Variants in ZSWIM5 observed in about 807,000 individuals in gnomAD.
The protein encoded by ZSWIM5 is zinc finger SWIM domain-containing protein 5.
In ZSWIM5, 55 loss-of-function variants were observed where a neutral mutation model predicts 119.6. That is an observed-to-expected ratio of 0.46 (90% CI 0.37 to 0.58). The LOEUF is 0.58. Among genes scored for constraint, ZSWIM5 ranks in the 20% least tolerant of loss-of-function variants. The pLI, the probability that ZSWIM5 is intolerant of heterozygous loss-of-function variation, is 0.00. For missense variants in ZSWIM5, 1,193 were observed against 1,512.8 expected, an observed-to-expected ratio of 0.79 and a Z score of 3.51; for synonymous variants, 537 against 606.9, an observed-to-expected ratio of 0.88 and a Z score of 1.69.
Position 45,018,629 on chromosome 1 carries a change from G to A in ZSWIM5, c.3383C>T (p.Thr1128Ile). ...TCCATAGTGGCGAGGGCTGATGTGT[G>A]TTAGGCGTGAGTGTGTAGTGTTGAT... ...AYINTTHSRL[T>I]HISPRHYGEF... The change falls in exon 14 of 14, where the codon ACA (threonine) becomes ATA (isoleucine). Residue 1128 changes from threonine to isoleucine, a missense_variant. Thr to Ile is a moderately conservative substitution (Grantham distance 89). Around this residue, in one of 2 missense-constraint regions of ZSWIM5, gnomAD observed 961 missense variants for 1,290.0 expected, o/e 0.74. Transcript: ENST00000359600. This position sits in a 1 kb window ranked among gnomAD's most constrained non-coding sequence, Gnocchi z 6.7. The A allele has an allele frequency of 6.2e-7, 1 of 1,614,256 alleles. No homozygotes were observed. Among genetic ancestry groups the A allele is most frequent in the Non-Finnish European group, 8.5e-7 (1 of 1,180,056 alleles).
intron 1 of ZSWIM5, among the ~76,000 whole-genome samples, chr1:45,184,805 A>C (rs1237901): frequency 6.6e-6 from 1 of 151,888 alleles, no homozygotes; most frequent in African/African-American, 2.4e-5. Flanking sequence ...AATCAATATC[A>C]TGAAAATGGC....
At chr1:45,142,852 A>T (rs904174325) in intron 1 of ZSWIM5, among the ~76,000 whole-genome samples, 6 of 140,662 alleles carry the variant, frequency 4.3e-5, no homozygotes, top group East Asian at 1.9e-4. Flanking sequence ...AACAGTATTT[A>T]AAAAAAAAAG....
Position 45,183,614 on chromosome 1 carries a change from C to T in ZSWIM5, c.595+22142G>A, listed in dbSNP as rs953465431. Among the ~76,000 whole-genome samples, 49 of 152,286 alleles carry T rather than the reference C, an allele frequency of 3.2e-4. 1 individual carries two copies. Among genetic ancestry groups the T allele is most frequent in the African/African-American group, 1.1e-3 (45 of 41,558 alleles). ...TACAACCTACCATCAGAGAATACTA[C>T]AAACACCTCTATGCAAATAAACTAG... On this transcript the variant is annotated intron_variant, in intron 1 of 13. Coordinates refer to ENST00000359600, the MANE Select transcript of ZSWIM5 (RefSeq NM_020883.2).
At chr1:45,126,467 A>ACTAC (rs1645622749) in intron 1 of ZSWIM5, among the ~76,000 whole-genome samples, 1 of 152,204 alleles carries the variant, frequency 6.6e-6, no homozygotes, top group African/African-American at 2.4e-5. Flanking sequence ...GAAAGCACAA[A>ACTAC]CTACCAAAAC....
intron 1 of ZSWIM5, among the ~76,000 whole-genome samples, chr1:45,166,217 C>T (rs1196674091): frequency 6.6e-6 from 1 of 152,018 alleles, no homozygotes; most frequent in Non-Finnish European, 1.5e-5. Flanking sequence ...AGATAAAAAC[C>T]ACATGATTAT....
intron 1 of ZSWIM5, among the ~76,000 whole-genome samples, chr1:45,201,357 A>AAT (rs1233266257): frequency 6.6e-6 from 1 of 152,182 alleles, no homozygotes; most frequent in African/African-American, 2.4e-5. Flanking sequence ...TTTTTACAGT[A>AAT]ATATATATGT....
chr1:45,039,446 C>T (rs1370125152), intron 7 of ZSWIM5, among the ~76,000 whole-genome samples: 3 of 152,134 alleles, frequency 2.0e-5, no homozygotes, highest in East Asian at 3.9e-4. Context: ...AGTGCAGTGG[C>T]GTGATCTTGG....
intron 2 of ZSWIM5, among the ~76,000 whole-genome samples, chr1:45,065,908 A>G (rs1645180249): frequency 6.6e-6 from 1 of 151,786 alleles, no homozygotes; most frequent in Admixed American, 6.6e-5. Context: ...CATGTGCACA[A>G]TGTGCAGGTT....
chr1:45,044,722 T>C, intron 5 of ZSWIM5, among the ~76,000 whole-genome samples: 1 of 588 alleles, frequency 1.7e-3, no homozygotes, highest in Non-Finnish European at 3.8e-3. Flanking sequence ...AGACTCCGTC[T>C]CAAAAAAAAA....
rs1379240026 is a variant in ZSWIM5, at chr1:45,016,546, C to T, written c.*1908G>A. On this transcript the variant is annotated 3_prime_UTR_variant, in exon 14 of 14. Coordinates refer to ENST00000359600, the MANE Select transcript of ZSWIM5 (RefSeq NM_020883.2). The stretch of plus-strand genomic sequence containing the variant: ...TTTTAACCAACCCATTGGGCTGAGA[C>T]GTAGGGGCCCTTGGCTGGACAGTAA... 8 of 151,962 alleles carry T rather than the reference C, an allele frequency of 5.3e-5. No homozygotes were observed. The highest frequency in any genetic ancestry group is 2.6e-4 in the Admixed American group (4 of 15,266). The allele number at this position is 151,962 out of a possible 1,614,324, so 9.4% of individuals were successfully genotyped here.
At chr1:45,186,081 A>G (rs1450919103) in intron 1 of ZSWIM5, among the ~76,000 whole-genome samples, 2 of 151,734 alleles carry the variant, frequency 1.3e-5, no homozygotes, top group African/African-American at 4.8e-5. Flanking sequence ...ATAAAAAATG[A>G]TGAGTTCATG....
chr1:45,155,407 G>A (rs1433508386), intron 1 of ZSWIM5, among the ~76,000 whole-genome samples: 1 of 151,902 alleles, frequency 6.6e-6, no homozygotes. Flanking sequence ...GCAGTGAAAA[G>A]GGAACATTTC....
chr1:45,114,937 T>G (rs1212098207), intron 1 of ZSWIM5, among the ~76,000 whole-genome samples: 2 of 152,206 alleles, frequency 1.3e-5, no homozygotes, highest in Non-Finnish European at 2.9e-5. Flanking sequence ...ACACAGCACA[T>G]GTTTCAGAGA....
Position 45,018,249 on chromosome 1 carries a change from T to A in ZSWIM5, c.*205A>T. On this transcript the variant is annotated 3_prime_UTR_variant, in exon 14 of 14. Transcript: ENST00000359600. This position sits in a 1 kb window ranked among gnomAD's most constrained non-coding sequence, Gnocchi z 6.7. ...CGATCTGCAGGGCCCAGCTCCTCCA[T>A]GAACAGTAGGCTGTAGTCAGAAGCT... The A allele has an allele frequency of 1.5e-6, 1 of 649,440 alleles. No homozygotes were observed. Among genetic ancestry groups the A allele is most frequent in the East Asian group, 2.8e-5 (1 of 35,642 alleles). 40.2% of individuals were successfully genotyped at this position (649,440 alleles called of 1,614,324 possible).
intron 1 of ZSWIM5, among the ~76,000 whole-genome samples, chr1:45,090,482 G>A (rs1193044933): frequency 1.3e-5 from 2 of 152,064 alleles, no homozygotes; most frequent in African/African-American, 2.4e-5. Context: ...GGGCAACATG[G>A]CTCAGGTGCT....
rs369188483 is a variant in ZSWIM5, at chr1:45,205,786, T to C, written c.565A>G (p.Ser189Gly). The change falls in exon 1 of 14, where the codon AGC becomes GGC. Residue 189 changes from serine (S) to glycine (G), a missense_variant. Physicochemically the swap from Ser to Gly is moderately conservative, Grantham distance 56. This residue lies in a region of ZSWIM5 where 961 missense variants were observed against 1,290.0 expected (regional missense o/e 0.74). Transcript: ENST00000359600. ...TGCAGCACGTTCTCCACGGAGCCGCTGTCCAGCAGACGGATGCCCCGGCGG... is the reference window on the plus strand; with the variant it reads ...TGCAGCACGTTCTCCACGGAGCCGCCGTCCAGCAGACGGATGCCCCGGCGG... The part of the protein sequence containing the change: ...PFRRGIRLLD[S>G]GSVENVLQVG... 5 of 1,561,694 alleles carry C rather than the reference T, an allele frequency of 3.2e-6. No individual in the cohort carries two copies. The African/African-American group carries it at 6.9e-5, about 22-fold the overall frequency.
rs1221269557 is a variant in ZSWIM5, at chr1:45,040,627, A to G, written c.1610-89T>C. 25 of 1,230,362 alleles carry G rather than the reference A, an allele frequency of 2.0e-5. No individual in the cohort carries two copies. The East Asian group carries it at 6.0e-4, about 30-fold the overall frequency. The allele number at this position is 1,230,362 out of a possible 1,614,324, so 76.2% of individuals were successfully genotyped here. A position where few individuals can be genotyped will look rare whatever the true frequency, so the allele number is the denominator to read the frequency against. On this transcript the variant is annotated intron_variant, in intron 6 of 13. Transcript: ENST00000359600. ...GACAAAGAGAGTTTGTATTCAGTCCAGTTCCTCAAATTCAACCTGACACCT... is the reference window on the plus strand; with the variant it reads ...GACAAAGAGAGTTTGTATTCAGTCCGGTTCCTCAAATTCAACCTGACACCT...
chr1:45,174,570 TA>T (rs36017471), intron 1 of ZSWIM5, among the ~76,000 whole-genome samples: 406 of 116,370 alleles, frequency 3.5e-3, no homozygotes, highest in Admixed American at 4.9e-3. Context: ...CCAACTCTAC[TA>T]AAAAAAAAAA....
At chr1:45,118,114 T>G (rs1020399543) in intron 1 of ZSWIM5, among the ~76,000 whole-genome samples, 3 of 151,340 alleles carry the variant, frequency 2.0e-5, no homozygotes, top group Admixed American at 6.6e-5. Flanking sequence ...AAAAAAAAAA[T>G]TCTTGTTGTA....
Sources: allele counts gnomAD v4.1 joint callset (sites outside exome capture counted in the v4.1 genomes callset), GRCh38; gene constraint gnomAD v4.1.1; regional missense constraint gnomAD v4.1.1; non-coding constraint Gnocchi (gnomAD v3.1); transcripts MANE v1.5; gene names NCBI Gene and HGNC (gene_info 2026-07-23, HGNC 2026-07-21).